Variants in HMGXB4 observed in about 807,000 individuals in gnomAD.
The protein encoded by HMGXB4 is HMG-box containing 4.
A neutral mutation model predicts 63.9 loss-of-function variants in HMGXB4; 27 were observed. The observed-to-expected ratio is 0.42, with a 90% CI of 0.31 to 0.58. HMGXB4 has a LOEUF of 0.58. Ranked by LOEUF, HMGXB4 falls within the 20% of genes least tolerant of loss-of-function variation. HMGXB4 has a pLI of 0.13. For synonymous variants in HMGXB4, 264 were observed against 265.3 expected (o/e 0.99, Z 0.05); for missense variants, 624 against 700.7 (o/e 0.89, Z 1.24).
At chr22:35,281,434 A>C (rs754885898) in intron 5 of HMGXB4, among the ~76,000 whole-genome samples, 1 of 152,238 alleles carries the variant, frequency 6.6e-6, no homozygotes, top group East Asian at 1.9e-4. Context: ...CCTTTATAAG[A>C]GTTATGAAGG....
intron 5 of HMGXB4, among the ~76,000 whole-genome samples, chr22:35,273,274 A>T (rs1923718030): frequency 1.3e-5 from 2 of 152,206 alleles, no homozygotes; most frequent in Non-Finnish European, 2.9e-5. Flanking sequence ...AGCCCCACTG[A>T]CGGAGGAAGA....
At chr22:35,243,914 G>T in the HMGXB4 span, among the ~76,000 whole-genome samples, 1 of 152,120 alleles carries the variant, frequency 6.6e-6, no homozygotes, top group South Asian at 2.1e-4. Context: ...TTTCTGATGA[G>T]AAATTTTTTT....
chr22:35,251,746 T>C, the HMGXB4 span, among the ~76,000 whole-genome samples: 1 of 152,208 alleles, frequency 6.6e-6, no homozygotes, highest in Non-Finnish European at 1.5e-5. Flanking sequence ...GAAGTGCACA[T>C]ATTTAATGTG....
At chr22:35,263,733 G>A in intron 3 of HMGXB4, 63 bp from the exon 4 acceptor site, 1 of 1,079,170 alleles carries the variant, frequency 9.3e-7, no homozygotes. Context: ...TCAAAGACAA[G>A]AGTGGTTACA....
intron 10 of HMGXB4, 130 bp from the exon 11 acceptor site, chr22:35,293,477 G>A (rs1925050239): frequency 3.0e-6 from 2 of 656,128 alleles, no homozygotes; most frequent in Admixed American, 2.6e-5. Flanking sequence ...ACAGCAGGAT[G>A]CCGTCTTCAT....
the HMGXB4 span, among the ~76,000 whole-genome samples, chr22:35,241,667 T>A: frequency 6.6e-6 from 1 of 152,180 alleles, no homozygotes; most frequent in Non-Finnish European, 1.5e-5. Context: ...CCAGGTAAAG[T>A]CAAGAACTTC....
Position 35,264,709 on chromosome 22 carries a change from T to TA in HMGXB4, c.322dup (p.Thr108AsnfsTer37), listed in dbSNP as rs1568996095. 6.2e-7 allele frequency: 1 copy of TA among 1,610,608 alleles called. No homozygotes were observed. The highest frequency in any genetic ancestry group is 8.5e-7 in the Non-Finnish European group (1 of 1,178,686). ...AAAAGTCCAGCCCACAGTCTACTGA[T>TA]ACAGCTATGGACCTGTTGAAAGCTA... On this transcript the variant is annotated frameshift_variant, in exon 5 of 11. Coordinates refer to ENST00000216106, the MANE Select transcript of HMGXB4 (RefSeq NM_001003681.3). LOFTEE classifies it high-confidence loss of function.
intron 7 of HMGXB4, among the ~76,000 whole-genome samples, chr22:35,286,607 T>C (rs1263473635): frequency 6.6e-6 from 1 of 152,186 alleles, no homozygotes; most frequent in Non-Finnish European, 1.5e-5. Flanking sequence ...TCCAGCACTT[T>C]GGGAGGCTGA....
chr22:35,247,782 CAG>C, the HMGXB4 span, among the ~76,000 whole-genome samples: 4 of 151,974 alleles, frequency 2.6e-5, no homozygotes, highest in African/African-American at 9.7e-5. Context: ...TCCCAGGCAG[CAG>C]GGGAAATCTG....
At chr22:35,274,556 G>T (rs1336631384) in intron 5 of HMGXB4, among the ~76,000 whole-genome samples, 1 of 152,172 alleles carries the variant, frequency 6.6e-6, no homozygotes, top group Non-Finnish European at 1.5e-5. Context: ...ACCCAATGAG[G>T]TGTAGGTGTT....
chr22:35,278,413 T>C (rs1234663325), intron 5 of HMGXB4, among the ~76,000 whole-genome samples: 1 of 152,200 alleles, frequency 6.6e-6, no homozygotes, highest in Non-Finnish European at 1.5e-5. Flanking sequence ...TGTTTAGTTT[T>C]GTAAGAACCA....
intron 5 of HMGXB4, among the ~76,000 whole-genome samples, chr22:35,269,186 G>T (rs529006094): frequency 1.3e-5 from 2 of 152,284 alleles, no homozygotes; most frequent in South Asian, 2.1e-4. Flanking sequence ...AGACCAGCCT[G>T]GCCAACATGG....
rs1923173654 is a variant in HMGXB4 at position 35,265,505 on chromosome 22, G to C, written c.1117G>C (p.Ala373Pro). The change falls in exon 5 of 11, where the codon GCA becomes CCA. Residue 373 changes from alanine to proline, a missense_variant. By Grantham distance (27) the Ala-to-Pro change is conservative. Transcript: ENST00000216106. ...CAGCATCCCATACGCTGGAGCAGCA[G>C]CACCTCCCCTGCCACTTCCTGGCCT... is the stretch of plus-strand genomic sequence containing the variant. ...PPSIPYAGAA[A>P]PPLPLPGLHT... The C allele has an allele frequency of 6.2e-7, 1 of 1,613,438 alleles. No homozygotes were observed. Among genetic ancestry groups the C allele is most frequent in the African/African-American group, 1.3e-5 (1 of 74,736 alleles).
intron 5 of HMGXB4, among the ~76,000 whole-genome samples, chr22:35,269,655 AT>A (rs1923480838): frequency 6.6e-6 from 1 of 152,246 alleles, no homozygotes. Flanking sequence ...AGCAAGGTTT[AT>A]TTATGATCTA....
chr22:35,258,319 G>A (rs1225858935), intron 1 of HMGXB4: 1 of 152,216 alleles, frequency 6.6e-6, no homozygotes, highest in African/African-American at 2.4e-5. Flanking sequence ...TGCAAAAGCG[G>A]AGAAACATCT....
chr22:35,292,089 G>C (rs1924965866), intron 9 of HMGXB4, among the ~76,000 whole-genome samples: 1 of 152,190 alleles, frequency 6.6e-6, no homozygotes, highest in Non-Finnish European at 1.5e-5. Context: ...TATCCAAAAG[G>C]AGAGACCCAA....
At chr22:35,278,613 T>C (rs991519749) in intron 5 of HMGXB4, among the ~76,000 whole-genome samples, 18 of 152,000 alleles carry the variant, frequency 1.2e-4, no homozygotes, top group Admixed American at 1.3e-4. Flanking sequence ...AACCACCACC[T>C]GGGGTCTGGG....
intron 5 of HMGXB4, among the ~76,000 whole-genome samples, chr22:35,266,504 G>T (rs1302827530): frequency 6.6e-6 from 1 of 152,184 alleles, no homozygotes; most frequent in Non-Finnish European, 1.5e-5. Flanking sequence ...TGTTGATTAG[G>T]GAGATAGGAA....
intron 5 of HMGXB4, among the ~76,000 whole-genome samples, chr22:35,274,307 C>T (rs893579171): frequency 6.6e-6 from 1 of 152,158 alleles, no homozygotes; most frequent in African/African-American, 2.4e-5. Context: ...CCCTGAGACG[C>T]CAGAGGGCAC....
Sources: allele counts gnomAD v4.1 joint callset (sites outside exome capture counted in the v4.1 genomes callset), GRCh38; gene constraint gnomAD v4.1.1; transcripts MANE v1.5; gene names NCBI Gene and HGNC (gene_info 2026-07-23, HGNC 2026-07-21).